NAGPA: variants seen among roughly 807,000 people sequenced by gnomAD.
NAGPA encodes alpha-N-acetylglucosaminyl phosphodiesterase.
A neutral mutation model predicts 48.5 loss-of-function variants in NAGPA; 56 were observed. The observed-to-expected ratio is 1.15, with a 90% CI of 0.93 to 1.44. The LOEUF is 1.44. NAGPA is among the 40% of genes most tolerant of loss of function. NAGPA has a pLI of 0.00. For missense variants in NAGPA, 888 were observed against 735.0 expected (o/e 1.21, Z -2.41); for synonymous variants, 399 against 315.5 (o/e 1.26, Z -2.81).
At position 5,033,851 on chromosome 16, in the gene NAGPA, C is replaced by A. The variant is rs1309495007; in HGVS notation, c.64G>T (p.Ala22Ser). The change falls in exon 1 of 10, where the codon GCG becomes TCG. Residue 22 changes from alanine (A) to serine (S), a missense_variant. By Grantham distance (99) the Ala-to-Ser change is moderately conservative. Coordinates refer to ENST00000312251, the MANE Select transcript of NAGPA (RefSeq NM_016256.4). This position sits in a 1 kb window ranked among gnomAD's most constrained non-coding sequence, Gnocchi z 4.2. ...CACCCCGAGTCGAGGCCGCCGGACGCTTCCCAGAGGAAGCCGAATAGTGCA... is the reference window on the plus strand; with the variant it reads ...CACCCCGAGTCGAGGCCGCCGGACGATTCCCAGAGGAAGCCGAATAGTGCA... ...RLALFGFLWE[A>S]SGGLDSGASR... is the part of the protein sequence containing the mutation. 1 of 1,549,732 alleles carries A rather than the reference C, an allele frequency of 6.5e-7. No homozygotes were observed. The highest frequency in any genetic ancestry group is 1.4e-5 in the African/African-American group (1 of 73,044).
chr16:5,025,297 G>C lies in NAGPA; in HGVS notation c.*181C>G, dbSNP rs1955975695. ...CGAGCATGGTATTGCTAGGGTTGCAGGTGCCCTGGCAGGTGGCCAGGTGAG... is the reference window on the plus strand; with the variant it reads ...CGAGCATGGTATTGCTAGGGTTGCACGTGCCCTGGCAGGTGGCCAGGTGAG... On this transcript the variant is annotated 3_prime_UTR_variant, in exon 10 of 10. Transcript: ENST00000312251. 5 of 711,616 alleles carry C rather than the reference G, an allele frequency of 7.0e-6. No homozygotes were observed. Among genetic ancestry groups the C allele is most frequent in the Non-Finnish European group, 9.6e-6 (4 of 415,148 alleles). 44.1% of individuals were successfully genotyped at this position (711,616 alleles called of 1,614,324 possible).
At chr16:5,032,656 G>T (rs905599702) in intron 2 of NAGPA, among the ~76,000 whole-genome samples, 2 of 151,550 alleles carry the variant, frequency 1.3e-5, no homozygotes, top group African/African-American at 4.9e-5. Flanking sequence ...TCCATCCTGG[G>T]CAACAGAGCA....
At chr16:5,032,491 G>GC (rs200379472) in intron 2 of NAGPA, among the ~76,000 whole-genome samples, 48,566 of 148,386 alleles carry the variant, frequency 0.33, 8,031 homozygotes, top group Middle Eastern at 0.4. Flanking sequence ...CCACTCCCCC[G>GC]TTCCCCACCC....
At chr16:5,026,110 G>A (rs1177837782) in intron 9 of NAGPA, among the ~76,000 whole-genome samples, 2 of 151,714 alleles carry the variant, frequency 1.3e-5, no homozygotes, top group African/African-American at 4.8e-5. Context: ...CGTATTTTCA[G>A]TAGAGACCAG....
chr16:5,028,820 G>T, intron 5 of NAGPA, 60 bp downstream of exon 5: 1 of 1,612,182 alleles, frequency 6.2e-7, no homozygotes, highest in Non-Finnish European at 8.5e-7. Context: ...TTGGCTGAAT[G>T]AGACAGGCTG....
Position 5,033,739 on chromosome 16 carries a change from G to C in NAGPA, c.87-11C>G, listed in dbSNP as rs2142572476. ...TCGTCGCGGGAGGCCCTGCGGGGAC[G>C]GGCGGCCGTGAGCTCAGGGGGCTGT... On this transcript the variant is annotated splice_polypyrimidine_tract_variant and intron_variant, in intron 1 of 9. Transcript: ENST00000312251. The surrounding 1 kb of genome is among the most constrained non-coding windows in gnomAD (Gnocchi z 4.2). 6.2e-7 allele frequency: 1 copy of C among 1,600,448 alleles called. No homozygotes were observed. The highest frequency in any genetic ancestry group is 2.2e-5 in the East Asian group (1 of 44,494).
chr16:5,027,583 T>C (rs941300763), intron 7 of NAGPA, among the ~76,000 whole-genome samples: 16 of 152,136 alleles, frequency 1.1e-4, no homozygotes, highest in African/African-American at 3.9e-4. Flanking sequence ...GCACTGCAGT[T>C]AGGATCTCAA....
In NAGPA at chr16:5,033,676, GGCGCGCGC is replaced by G. The variant is rs750922098; in HGVS notation, c.131_138del (p.Arg44ProfsTer53). The stretch of plus-strand genomic sequence containing the variant: ...CGCACCCGTGTGCAGTCCCGGGGGA[GGCGCGCGC>G]GCGCGCGTGGATAGGGCAGTAGCAA... On this transcript the variant is annotated frameshift_variant, in exon 2 of 10. Coordinates refer to ENST00000312251, the MANE Select transcript of NAGPA (RefSeq NM_016256.4). LOFTEE classifies it high-confidence loss of function. The surrounding 1 kb of genome is among the most constrained non-coding windows in gnomAD (Gnocchi z 4.2). 1 of 1,575,264 alleles carries G rather than the reference GGCGCGCGC, an allele frequency of 6.3e-7. No homozygotes were observed. Among genetic ancestry groups the G allele is most frequent in the African/African-American group, 1.3e-5 (1 of 74,074 alleles).
In NAGPA at chr16:5,031,884, C is replaced by A. The variant is rs374558688; in HGVS notation, c.543G>T (p.Gly181=). 186 of 1,614,040 alleles carry A rather than the reference C, an allele frequency of 1.2e-4. No individual in the cohort carries two copies. Among genetic ancestry groups the A allele is most frequent in the Non-Finnish European group, 1.4e-4 (171 of 1,180,018 alleles). The change falls in exon 3 of 10, where the codon GGG becomes GGT. Residue 181 remains glycine, a splice_region_variant and synonymous_variant. Transcript: ENST00000312251. The part of the protein sequence containing the change: ...GIRRDGTLVT[G]YLSEEEVLDT... ...CCAGCACCTCCTCCTCAGACAGGTACCTGGATCCGGGGAAGGTGGGAAGCT... is the reference window on the plus strand; with the variant it reads ...CCAGCACCTCCTCCTCAGACAGGTAACTGGATCCGGGGAAGGTGGGAAGCT...
rs75830252 is a variant in NAGPA at position 5,025,779 on chromosome 16, A to T, written c.1341-94T>A. The T allele has an allele frequency of 6.9e-3, 9,272 of 1,337,728 alleles. 460 individuals are homozygous for T. The African/African-American group carries it at 0.11, about 16-fold the overall frequency. 82.9% of individuals were successfully genotyped at this position (1,337,728 alleles called of 1,614,324 possible). A position where few individuals can be genotyped will look rare whatever the true frequency, so the allele number is the denominator to read the frequency against. ...GGGCTTCCCTCTACCCGGCATAGAT[A>T]GCACTAAATCAGGTGCCTCCAGGGA... On this transcript the variant is annotated intron_variant, in intron 9 of 9. Transcript: ENST00000312251.
In NAGPA at chr16:5,025,480, A is replaced by G. The variant is rs1955979915; in HGVS notation, c.1546T>C (p.Ter516ArgextTer45). ...GCCACCCCGGGCAGCTTGAGGCTTC[A>G]GTCCTTGAAGGGGTTGTGGGCGCCC... is the stretch of plus-strand genomic sequence containing the variant. Reference protein sequence around the residue: ...PGGAHNPFKD* With the variant: ...PGGAHNPFKDR The change falls in exon 10 of 10, where the codon TGA becomes CGA. Residue 516 changes from the stop codon to arginine (R), a stop_lost. Transcript: ENST00000312251. 4.3e-6 allele frequency: 7 copies of G among 1,611,884 alleles called. No homozygotes were observed. Among genetic ancestry groups the G allele is most frequent in the Admixed American group, 3.3e-5 (2 of 59,998 alleles).
chr16:5,031,825 C>A lies in NAGPA; in HGVS notation c.602G>T (p.Gly201Val). Residue 201 changes from glycine to valine, a missense_variant, in exon 3 of 10, where the codon GGG becomes GTG. Coordinates refer to ENST00000312251, the MANE Select transcript of NAGPA (RefSeq NM_016256.4). ...TCCATTACGAATCAGCCACACGACC[C>A]CACTCAGCAGCTGCACAAATGGGTT... ...TENPFVQLLS[G>V]VVWLIRNGSI... 1 of 1,614,176 alleles carries A rather than the reference C, an allele frequency of 6.2e-7. No individual in the cohort carries two copies. The highest frequency in any genetic ancestry group is 1.7e-5 in the Admixed American group (1 of 60,010).
At chr16:5,025,989 CATG>C (rs1304204965) in intron 9 of NAGPA, among the ~76,000 whole-genome samples, 1 of 150,620 alleles carries the variant, frequency 6.6e-6, no homozygotes, top group African/African-American at 2.4e-5. Flanking sequence ...AGTGCAGTGG[CATG>C]ATCTCAGCTC....
At chr16:5,025,713 G>A in intron 9 of NAGPA, 28 bp from the exon 10 acceptor site, 4 of 1,568,368 alleles carry the variant, frequency 2.6e-6, no homozygotes, top group Non-Finnish European at 3.5e-6. Context: ...GCCCCAAGTG[G>A]GGGACTGCTG....
At chr16:5,029,058 C>T (rs752091635) in intron 4 of NAGPA, 50 bp from the exon 5 acceptor site, 1 of 1,606,496 alleles carries the variant, frequency 6.2e-7, no homozygotes, top group African/African-American at 1.3e-5. Context: ...CATCATTTCT[C>T]ATTTAACTCC....
At position 5,031,597 on chromosome 16, in the gene NAGPA, T is replaced by C. The variant is rs113164041; in HGVS notation, c.682+148A>G. ...GTCCTATATATTCAATATAAGCCTA[T>C]CTTCCTCCCCATGAATCCCCAGTAC... On this transcript the variant is annotated intron_variant, in intron 3 of 9. Transcript: ENST00000312251. The C allele has an allele frequency of 5.2e-4, 545 of 1,055,328 alleles. 3 individuals carry two copies. In the African/African-American group the frequency reaches 7.5e-3, roughly 14 times the overall value. The allele number at this position is 1,055,328 out of a possible 1,614,324, so 65.4% of individuals were successfully genotyped here. A position where few individuals can be genotyped will look rare whatever the true frequency, so the allele number is the denominator to read the frequency against.
chr16:5,028,833 G>C, intron 5 of NAGPA, 47 bp downstream of exon 5: 1 of 1,612,980 alleles, frequency 6.2e-7, no homozygotes, highest in Non-Finnish European at 8.5e-7. Flanking sequence ...ACAGGCTGGG[G>C]CAGACCTGGA....
chr16:5,033,765 C>A lies in NAGPA; in HGVS notation c.87-37G>T, dbSNP rs1001633389. On this transcript the variant is annotated intron_variant, in intron 1 of 9. Coordinates refer to ENST00000312251, the MANE Select transcript of NAGPA (RefSeq NM_016256.4). This position sits in a 1 kb window ranked among gnomAD's most constrained non-coding sequence, Gnocchi z 4.2. ...GGCGGCCGTGAGCTCAGGGGGCTGT[C>A]CTCGTGAGCTCGGAGGACAGGGGGG... 6.3e-7 allele frequency: 1 copy of A among 1,588,314 alleles called. No homozygotes were observed. The highest frequency in any genetic ancestry group is 8.6e-7 in the Non-Finnish European group (1 of 1,168,774).
Position 5,033,871 on chromosome 16 carries a change from A to G in NAGPA, c.44T>C (p.Leu15Pro). 3 of 1,549,380 alleles carry G rather than the reference A, an allele frequency of 1.9e-6. No individual in the cohort carries two copies. The highest frequency in any genetic ancestry group is 2.6e-6 in the Non-Finnish European group (3 of 1,146,966). ...TGRWLLLRLA[L>P]FGFLWEASGG... ...GGACGCTTCCCAGAGGAAGCCGAAT[A>G]GTGCAAGCCGGAGGAGAAGCCAGCG... Residue 15 changes from leucine to proline, a missense_variant, in exon 1 of 10, where the codon CTA becomes CCA. Coordinates refer to ENST00000312251, the MANE Select transcript of NAGPA (RefSeq NM_016256.4). The surrounding 1 kb of genome is among the most constrained non-coding windows in gnomAD (Gnocchi z 4.2).
Sources: allele counts gnomAD v4.1 joint callset (sites outside exome capture counted in the v4.1 genomes callset), GRCh38; gene constraint gnomAD v4.1.1; non-coding constraint Gnocchi (gnomAD v3.1); transcripts MANE v1.5; gene names NCBI Gene and HGNC (gene_info 2026-07-23, HGNC 2026-07-21).